Variants in GLMN observed in about 807,000 individuals in gnomAD.
GLMN encodes glomulin, FKBP associated protein.
In GLMN, 75 loss-of-function variants were observed where a neutral mutation model predicts 87.8. That is an observed-to-expected ratio of 0.85 (90% CI 0.71 to 1.04). GLMN has a LOEUF of 1.04. GLMN is among the 50% of genes least tolerant of loss of function. The pLI, the probability that GLMN is intolerant of heterozygous loss-of-function variation, is 0.00. For missense variants in GLMN, 588 were observed against 658.8 expected, an observed-to-expected ratio of 0.89 and a Z score of 1.18; for synonymous variants, 206 against 221.6, an observed-to-expected ratio of 0.93 and a Z score of 0.63.
the GLMN span, chr1:92,324,368 C>G: frequency 6.2e-7 from 1 of 1,611,082 alleles, no homozygotes. Context: ...TCACAAGACT[C>G]AGAAGAGGTA....
chr1:92,298,405 T>G (rs1308533231), intron 1 of GLMN, among the ~76,000 whole-genome samples: 1 of 152,170 alleles, frequency 6.6e-6, no homozygotes, highest in Non-Finnish European at 1.5e-5. Flanking sequence ...AAGCACTTCT[T>G]TTCTGAAAAA....
intron 7 of GLMN, among the ~76,000 whole-genome samples, chr1:92,286,165 T>A (rs1648721924): frequency 6.6e-6 from 1 of 151,582 alleles, no homozygotes; most frequent in Admixed American, 6.6e-5. Flanking sequence ...CATGGAACAC[T>A]ATTAAGCCAA....
the GLMN span, chr1:92,304,226 CAT>C: frequency 2.4e-6 from 3 of 1,240,704 alleles, no homozygotes; most frequent in South Asian, 2.5e-5. Context: ...AATCTTGTAA[CAT>C]AACGTTCATG....
intron 7 of GLMN, among the ~76,000 whole-genome samples, chr1:92,284,795 A>T (rs1279653544): frequency 6.6e-6 from 1 of 152,188 alleles, no homozygotes; most frequent in Non-Finnish European, 1.5e-5. Context: ...ATCCCATCAA[A>T]AAGTAGGCAA....
chr1:92,285,056 C>T (rs1419830931), intron 7 of GLMN, among the ~76,000 whole-genome samples: 1 of 151,996 alleles, frequency 6.6e-6, no homozygotes, highest in African/African-American at 2.4e-5. Flanking sequence ...GACAGTGTGG[C>T]GATTCCTCAA....
the GLMN span, among the ~76,000 whole-genome samples, chr1:92,310,103 G>A: frequency 6.6e-6 from 1 of 152,172 alleles, no homozygotes; most frequent in Non-Finnish European, 1.5e-5. Context: ...GAAGGAAACA[G>A]TGAATAATCT....
At chr1:92,309,346 G>A in the GLMN span, among the ~76,000 whole-genome samples, 1 of 151,302 alleles carries the variant, frequency 6.6e-6, no homozygotes, top group Non-Finnish European at 1.5e-5. Flanking sequence ...GGAGGCTGAG[G>A]TAGGAGAATT....
chr1:92,312,279 T>C, the GLMN span, among the ~76,000 whole-genome samples: 1 of 152,046 alleles, frequency 6.6e-6, no homozygotes, highest in Non-Finnish European at 1.5e-5. Context: ...TAGCTGGGTG[T>C]GGTGGCACAC....
the GLMN span, among the ~76,000 whole-genome samples, chr1:92,326,102 A>G: frequency 2.0e-5 from 3 of 151,934 alleles, no homozygotes; most frequent in African/African-American, 4.8e-5. Context: ...AGATAATGCC[A>G]AACAGTTTTC....
intron 1 of GLMN, 109 bp from the exon 2 acceptor site, chr1:92,298,138 A>C (rs1650354976): frequency 1.6e-6 from 1 of 632,098 alleles, no homozygotes; most frequent in Non-Finnish European, 2.9e-6. Context: ...GAAAATGGAA[A>C]GTTTTTGTTG....
the GLMN span, among the ~76,000 whole-genome samples, chr1:92,350,589 CTT>C: frequency 1.3e-5 from 2 of 152,144 alleles, no homozygotes; most frequent in African/African-American, 4.8e-5. Context: ...ATGTTAGGCT[CTT>C]TCCACAATCT....
upstream of GLMN, chr1:92,299,065 C>G: frequency 6.7e-7 from 1 of 1,488,474 alleles, no homozygotes; most frequent in African/African-American, 1.4e-5. Context: ...CGGCAGACTA[C>G]TCTCCCCCAT....
chr1:92,266,847 TAGG>T, intron 11 of GLMN, 106 bp from the exon 12 acceptor site: 2 of 721,992 alleles, frequency 2.8e-6, no homozygotes, highest in Non-Finnish European at 4.8e-6. Flanking sequence ...GAAGTGAGGG[TAGG>T]AGATTTAAAA....
chr1:92,274,520 C>A (rs950798359), intron 7 of GLMN, among the ~76,000 whole-genome samples: 1 of 152,162 alleles, frequency 6.6e-6, no homozygotes, highest in African/African-American at 2.4e-5. Context: ...TAATCTTTTT[C>A]TCTACCCAAT....
chr1:92,279,075 A>T (rs1647637579), intron 7 of GLMN, among the ~76,000 whole-genome samples: 1 of 119,182 alleles, frequency 8.4e-6, no homozygotes, highest in South Asian at 3.4e-4. Context: ...TGATCCAATC[A>T]CCTTTTCACT....
At chr1:92,330,403 A>G in the GLMN span, among the ~76,000 whole-genome samples, 381 of 149,978 alleles carry the variant, frequency 2.5e-3, 3 homozygotes, top group South Asian at 9.2e-3. Flanking sequence ...CACTCATTGA[A>G]CTATCTTTTC....
chr1:92,370,455 A>C, the GLMN span, among the ~76,000 whole-genome samples: 1 of 151,942 alleles, frequency 6.6e-6, no homozygotes, highest in African/African-American at 2.4e-5. Context: ...GAGCTTTCGT[A>C]CCCCCCCACC....
chr1:92,346,097 C>G, the GLMN span, among the ~76,000 whole-genome samples: 1 of 151,600 alleles, frequency 6.6e-6, no homozygotes, highest in Middle Eastern at 3.4e-3. Flanking sequence ...TAATTATTCT[C>G]TATATTTTTT....
At chr1:92,303,908 G>C (rs553462128), upstream of GLMN, 350 of 1,024,430 alleles carry the variant, frequency 3.4e-4, 2 homozygotes, top group Non-Finnish European at 4.6e-4. Flanking sequence ...AGATTGATGA[G>C]GCTTAGAGAG....
Sources: allele counts gnomAD v4.1 joint callset (sites outside exome capture counted in the v4.1 genomes callset), GRCh38; gene constraint gnomAD v4.1.1; transcripts MANE v1.5; gene names NCBI Gene and HGNC (gene_info 2026-07-23, HGNC 2026-07-21).